Variants in RTN1 observed in about 807,000 individuals in gnomAD.
RTN1 encodes reticulon-1.
Under a neutral mutation model 65.5 loss-of-function variants are expected in RTN1, and 25 were observed. The ratio of observed to expected loss-of-function variants is 0.38; its 90% CI spans 0.28 to 0.53. The LOEUF is 0.53. Among genes scored for constraint, RTN1 ranks in the 20% least tolerant of loss-of-function variants. RTN1 has a pLI of 0.79. For missense variants in RTN1, 983 were observed against 1,025.4 expected (o/e 0.96, Z 0.57); for synonymous variants, 471 against 447.6 (o/e 1.05, Z -0.66).
intron 3 of RTN1, among the ~76,000 whole-genome samples, chr14:59,702,808 T>TG (rs755583634): frequency 6.6e-6 from 1 of 152,202 alleles, no homozygotes; most frequent in African/African-American, 2.4e-5. Flanking sequence ...TTTCACCCCA[T>TG]GGGGGTCCCA....
intron 3 of RTN1, among the ~76,000 whole-genome samples, chr14:59,654,223 C>T (rs548263184): frequency 2.0e-5 from 3 of 151,964 alleles, no homozygotes; most frequent in Non-Finnish European, 4.4e-5. Flanking sequence ...GTCGGGAGTT[C>T]GAGAACAGCC....
At chr14:59,698,707 A>G (rs2139445749) in intron 3 of RTN1, among the ~76,000 whole-genome samples, 1 of 152,252 alleles carries the variant, frequency 6.6e-6, no homozygotes, top group East Asian at 1.9e-4. Context: ...CCAAGTAAAC[A>G]TTTGTCTTTT....
intron 1 of RTN1, among the ~76,000 whole-genome samples, chr14:59,776,798 C>A (rs964731191): frequency 6.6e-6 from 1 of 152,100 alleles, no homozygotes; most frequent in East Asian, 1.9e-4. Flanking sequence ...GCGTAAAAAA[C>A]CTATTTTACC....
intron 3 of RTN1, among the ~76,000 whole-genome samples, chr14:59,648,375 G>A (rs1882946329): frequency 6.6e-6 from 1 of 152,134 alleles, no homozygotes; most frequent in African/African-American, 2.4e-5. Flanking sequence ...AGAAAGAAGA[G>A]CTGGTACCAT....
intron 3 of RTN1, chr14:59,630,642 G>A: frequency 7.5e-7 from 1 of 1,336,948 alleles, no homozygotes; most frequent in Non-Finnish European, 9.6e-7. Context: ...ACCAGGCGGC[G>A]CGCGGTGAGG....
rs115338536 is a variant in RTN1, at chr14:59,816,055, C to T, written c.241+54335G>A. On this transcript the variant is annotated intron_variant, in intron 1 of 8. Coordinates refer to ENST00000267484, the MANE Select transcript of RTN1 (RefSeq NM_021136.3). This position sits in a 1 kb window ranked among gnomAD's most constrained non-coding sequence, Gnocchi z 4.3. The stretch of plus-strand genomic sequence containing the variant: ...AGCCTTCCTGGATTAATCCCTACAC[C>T]ACATAGTTTATTCAACATCACCAAA... 2.6e-3 allele frequency among the ~76,000 whole-genome samples: 399 copies of T among 152,270 alleles called. 1 individual carries two copies. The highest frequency in any genetic ancestry group is 8.7e-3 in the African/African-American group (363 of 41,556).
chr14:59,690,866 T>A (rs1453803472), intron 3 of RTN1, among the ~76,000 whole-genome samples: 7 of 151,872 alleles, frequency 4.6e-5, no homozygotes, highest in African/African-American at 1.7e-4. Flanking sequence ...AATTAAGGTA[T>A]AAAGAAAAAA....
intron 3 of RTN1, among the ~76,000 whole-genome samples, chr14:59,639,393 A>T (rs1303843327): frequency 1.3e-5 from 2 of 152,212 alleles, no homozygotes; most frequent in Non-Finnish European, 2.9e-5. Flanking sequence ...CAGGTTTGCC[A>T]CAAACCTTCA....
At chr14:59,851,190 G>A (rs1887500473) in intron 1 of RTN1, among the ~76,000 whole-genome samples, 1 of 152,162 alleles carries the variant, frequency 6.6e-6, no homozygotes, top group Non-Finnish European at 1.5e-5. Flanking sequence ...TAAACGTTGT[G>A]TGACATTTTC....
At chr14:59,690,683 T>C in intron 3 of RTN1, among the ~76,000 whole-genome samples, 1 of 152,010 alleles carries the variant, frequency 6.6e-6, no homozygotes, top group East Asian at 1.9e-4. Flanking sequence ...ACTGACCACA[T>C]GTTTGGCCAT....
chr14:59,752,645 C>T (rs1885557004), intron 1 of RTN1, among the ~76,000 whole-genome samples: 1 of 152,094 alleles, frequency 6.6e-6, no homozygotes. Context: ...TACATGTTAC[C>T]TTCTTCTAAC....
intron 3 of RTN1, among the ~76,000 whole-genome samples, chr14:59,699,152 G>A (rs748508578): frequency 2.0e-5 from 3 of 152,124 alleles, no homozygotes; most frequent in Admixed American, 2.0e-4. Context: ...ATATGAATGT[G>A]TCTTTTATCC....
rs35645652 is a variant in RTN1 at position 59,745,983 on chromosome 14, C to T, written c.740G>A (p.Gly247Glu). ...REPDKPAPVE[G>E]KIIKDHLLEE... The stretch of plus-strand genomic sequence containing the variant: ...CAATAAATGGTCCTTGATGATTTTT[C>T]CCTCCACAGGAGCTGGTTTGTCAGG... The change falls in exon 2 of 9, where the codon GGA becomes GAA. Residue 247 changes from glycine (G) to glutamate (E), a missense_variant. Transcript: ENST00000267484. 7,718 of 1,613,982 alleles carry T rather than the reference C, an allele frequency of 4.8e-3. 275 individuals carry two copies. In the African/African-American group the frequency reaches 0.085, roughly 18 times the overall value.
At chr14:59,716,107 C>T (rs77027802) in intron 3 of RTN1, among the ~76,000 whole-genome samples, 4,732 of 152,256 alleles carry the variant, frequency 0.031, 246 homozygotes, top group African/African-American at 0.11. Flanking sequence ...TATTATATAG[C>T]ATTATAAAAC....
intron 1 of RTN1, among the ~76,000 whole-genome samples, chr14:59,802,539 T>G (rs538930596): frequency 2.8e-4 from 43 of 152,366 alleles, no homozygotes; most frequent in African/African-American, 9.4e-4. Context: ...ATTTTGGCCA[T>G]TAATACACAT....
intron 3 of RTN1, among the ~76,000 whole-genome samples, chr14:59,639,504 C>A (rs1882732303): frequency 6.6e-6 from 1 of 152,124 alleles, no homozygotes; most frequent in Non-Finnish European, 1.5e-5. Context: ...TTTTTCCGTT[C>A]CAATCTTTGT....
In RTN1 at chr14:59,694,438, CAT is replaced by C. The variant is rs564145945; in HGVS notation, c.1765+32479_1765+32480del. On this transcript the variant is annotated intron_variant, in intron 3 of 8. Coordinates refer to ENST00000267484, the MANE Select transcript of RTN1 (RefSeq NM_021136.3). Reference sequence around the variant, plus strand: ...AAGTGTGTGTATGCACTTACACACACATGGCACTTTTTCTGAGAATCAGAGAT... The same window carrying C: ...AAGTGTGTGTATGCACTTACACACACGGCACTTTTTCTGAGAATCAGAGAT... Among the ~76,000 whole-genome samples the C allele has an allele frequency of 3.9e-4, 60 of 152,132 alleles. 2 individuals carry two copies. Among genetic ancestry groups the C allele is most frequent in the Non-Finnish European group, 5.4e-4 (37 of 68,028 alleles).
chr14:59,796,066 C>T (rs974451409), intron 1 of RTN1, among the ~76,000 whole-genome samples: 5 of 152,186 alleles, frequency 3.3e-5, no homozygotes, highest in Non-Finnish European at 5.9e-5. Flanking sequence ...CCCATAAAGA[C>T]GTTTTGGTCA....
intron 1 of RTN1, among the ~76,000 whole-genome samples, chr14:59,818,594 T>G (rs1886863625): frequency 1.3e-5 from 2 of 152,260 alleles, no homozygotes; most frequent in Non-Finnish European, 1.5e-5. Flanking sequence ...ATTCCATGTC[T>G]TTGTCATCGC....
Sources: gnomAD v4.1 joint callset for allele counts (sites outside exome capture counted in the v4.1 genomes callset) on GRCh38, gnomAD v4.1.1 for gene constraint, Gnocchi (gnomAD v3.1) non-coding constraint, MANE v1.5 for transcripts, NCBI Gene and HGNC (gene_info 2026-07-23, HGNC 2026-07-21) for gene names.